The following PPP2R1B variants were observed in gnomAD, a reference collection of about 807,000 sequenced individuals.
PPP2R1B encodes the protein protein phosphatase 2 scaffold subunit Abeta, also known as serine/threonine-protein phosphatase 2A 65 kDa regulatory subunit A beta isoform.
In PPP2R1B, 58 loss-of-function variants were observed where a neutral mutation model predicts 72.7. The ratio of observed to expected loss-of-function variants is 0.80; its 90% CI spans 0.65 to 0.99. PPP2R1B has a LOEUF of 0.99. Among genes scored for constraint, PPP2R1B ranks in the 50% least tolerant of loss-of-function variants. The pLI is 0.00. For missense variants in PPP2R1B, 695 were observed against 733.6 expected, an observed-to-expected ratio of 0.95 and a Z score of 0.61; for synonymous variants, 256 against 264.6, an observed-to-expected ratio of 0.97 and a Z score of 0.32.
In PPP2R1B at chr11:111,755,137, G is replaced by A. The variant is rs782260017; in HGVS notation, c.844-43C>T. 9.0e-6 allele frequency: 14 copies of A among 1,553,196 alleles called. No homozygotes were observed. In the South Asian group the frequency reaches 1.6e-4, roughly 18 times the overall value. Reference sequence around the variant, plus strand: ...CGGGTTTTAATGTATACTAACAAAAGAATTAACAAGAACAAAACAAAATTG... The same window carrying A: ...CGGGTTTTAATGTATACTAACAAAAAAATTAACAAGAACAAAACAAAATTG... On this transcript the variant is annotated intron_variant, in intron 6 of 14. Transcript: ENST00000527614.
the PPP2R1B span, chr11:111,688,144 A>G: frequency 6.2e-7 from 1 of 1,614,136 alleles, no homozygotes; most frequent in Non-Finnish European, 8.5e-7. This position sits in a 1 kb window ranked among gnomAD's most constrained non-coding sequence, Gnocchi z 4.2. Context: ...GGATAACAAC[A>G]TGAATATCAA....
chr11:111,702,842 C>G, the PPP2R1B span, among the ~76,000 whole-genome samples: 8 of 152,174 alleles, frequency 5.3e-5, no homozygotes, highest in African/African-American at 1.9e-4. Flanking sequence ...AGTATATCAG[C>G]ATTAGATATG....
downstream of PPP2R1B, chr11:111,724,330 C>T: frequency 1.4e-6 from 1 of 712,398 alleles, no homozygotes; most frequent in Non-Finnish European, 2.2e-6. Context: ...TTTTCTGTGG[C>T]AAGTGCTGGA....
At chr11:111,709,400 C>T in the PPP2R1B span, among the ~76,000 whole-genome samples, 2 of 152,194 alleles carry the variant, frequency 1.3e-5, no homozygotes, top group African/African-American at 2.4e-5. Flanking sequence ...GGACACAATT[C>T]AGGTCATAAC....
chr11:111,701,340 C>T, the PPP2R1B span: 11 of 1,353,878 alleles, frequency 8.1e-6, no homozygotes, highest in African/African-American at 1.5e-5. The surrounding 1 kb of genome is among the most constrained non-coding windows in gnomAD (Gnocchi z 4.2). Context: ...ATAATAAATC[C>T]AGACAGGAAT....
rs1185382898 is a variant in PPP2R1B, at chr11:111,765,984, G to A, written c.114+264C>T. On this transcript the variant is annotated intron_variant, in intron 1 of 14. Coordinates refer to ENST00000527614, the MANE Select transcript of PPP2R1B (RefSeq NM_002716.5). ...GATGGGGCGCCCAGGCGGGAAGCGG[G>A]TTCCCCGACAACCGCCCGGGAAGGG... 8.7e-6 allele frequency: 5 copies of A among 573,612 alleles called. 1 individual carries two copies. The highest frequency in any genetic ancestry group is 9.8e-6 in the Non-Finnish European group (3 of 304,814). The allele number at this position is 573,612 out of a possible 1,614,324, so 35.5% of individuals were successfully genotyped here. A position where few individuals can be genotyped will look rare whatever the true frequency, so the allele number is the denominator to read the frequency against.
At chr11:111,765,209 G>A (rs1215523895) in intron 2 of PPP2R1B, 85 bp downstream of exon 2, 2 of 1,312,372 alleles carry the variant, frequency 1.5e-6, no homozygotes, top group Non-Finnish European at 2.1e-6. Flanking sequence ...ATTTTAATGT[G>A]GGTAATAAAC....
At chr11:111,699,806 A>G in the PPP2R1B span, among the ~76,000 whole-genome samples, 204 of 152,318 alleles carry the variant, frequency 1.3e-3, no homozygotes, top group African/African-American at 4.8e-3. Context: ...TTTTCACTTT[A>G]CAGATGGGGA....
At chr11:111,753,646 A>C in intron 8 of PPP2R1B, 69 bp from the exon 9 acceptor site, 3 of 1,485,028 alleles carry the variant, frequency 2.0e-6, no homozygotes, top group Non-Finnish European at 1.8e-6. Flanking sequence ...TTATTCTGGG[A>C]AACAGAGTCT....
At chr11:111,743,620 A>G (rs1944603018) in intron 11 of PPP2R1B, 90 bp from the exon 12 acceptor site, 1 of 1,465,422 alleles carries the variant, frequency 6.8e-7, no homozygotes. Context: ...AATGTGGACC[A>G]AAAGCAAAAC....
At chr11:111,755,634 G>A (rs1945084006) in intron 5 of PPP2R1B, among the ~76,000 whole-genome samples, 184 bp from the exon 6 acceptor site, 2 of 145,010 alleles carry the variant, frequency 1.4e-5, no homozygotes, top group African/African-American at 5.1e-5. Context: ...CTGTCACCCA[G>A]ATTGGAGTGC....
chr11:111,760,238 T>C (rs1019706015), intron 4 of PPP2R1B, among the ~76,000 whole-genome samples: 1 of 152,194 alleles, frequency 6.6e-6, no homozygotes, highest in Admixed American at 6.5e-5. Context: ...AGCAAGACCC[T>C]ATCTATATGC....
intron 5 of PPP2R1B, 140 bp from the exon 6 acceptor site, chr11:111,755,590 C>G: frequency 2.2e-6 from 1 of 450,700 alleles, no homozygotes; most frequent in Non-Finnish European, 3.5e-6. Flanking sequence ...ACATCTTTTT[C>G]TTTTTTTTTT....
chr11:111,712,239 T>C, the PPP2R1B span: 55 of 1,614,234 alleles, frequency 3.4e-5, no homozygotes, highest in South Asian at 2.1e-4. Context: ...CCAGTGACCA[T>C]GCATTCACCG....
chr11:111,721,560 G>C, the PPP2R1B span, among the ~76,000 whole-genome samples: 2 of 152,122 alleles, frequency 1.3e-5, no homozygotes, highest in Non-Finnish European at 2.9e-5. Context: ...ATTATAGTTC[G>C]AGGCCCACAT....
At chr11:111,752,920 G>A (rs190255452) in intron 9 of PPP2R1B, among the ~76,000 whole-genome samples, 253 of 152,222 alleles carry the variant, frequency 1.7e-3, no homozygotes, top group South Asian at 6.2e-3. Flanking sequence ...CAGAGATTGC[G>A]CCACTGCACT....
the PPP2R1B span, chr11:111,703,428 A>C: frequency 4.3e-6 from 7 of 1,612,988 alleles, no homozygotes; most frequent in Non-Finnish European, 5.9e-6. Context: ...ATTGAGGTAA[A>C]GTGATCAGAG....
At position 111,739,683 on chromosome 11, in the gene PPP2R1B, A is replaced by C. The variant is rs953979161; in HGVS notation, c.*1913T>G. The C allele has an allele frequency of 6.1e-6, 6 of 985,358 alleles. No individual in the cohort carries two copies. The Admixed American group carries it at 3.7e-4, about 61-fold the overall frequency. The allele number at this position is 985,358 out of a possible 1,614,324, so 61.0% of individuals were successfully genotyped here. A position where few individuals can be genotyped will look rare whatever the true frequency, so the allele number is the denominator to read the frequency against. ...CAGAGTAAAGCAATGGTTCCAGTGCAAATCTGCTTCATGAAGACAAATGTC... is the reference window on the plus strand; with the variant it reads ...CAGAGTAAAGCAATGGTTCCAGTGCCAATCTGCTTCATGAAGACAAATGTC... On this transcript the variant is annotated 3_prime_UTR_variant, in exon 15 of 15. Transcript: ENST00000527614.
intron 10 of PPP2R1B, among the ~76,000 whole-genome samples, chr11:111,751,733 T>C (rs1944914220): frequency 6.6e-6 from 1 of 152,236 alleles, no homozygotes; most frequent in South Asian, 2.1e-4. Context: ...ATCCCAGCAC[T>C]TTGGGAGGCT....
Sources: gnomAD v4.1 joint callset for allele counts (sites outside exome capture counted in the v4.1 genomes callset) on GRCh38, gnomAD v4.1.1 for gene constraint, Gnocchi (gnomAD v3.1) non-coding constraint, MANE v1.5 for transcripts, NCBI Gene and HGNC (gene_info 2026-07-23, HGNC 2026-07-21) for gene names.